Variants in DISP3 observed in about 807,000 individuals in gnomAD.
The protein encoded by DISP3 is dispatched RND transporter family member 3.
A neutral mutation model predicts 135.3 loss-of-function variants in DISP3; 101 were observed. The ratio of observed to expected loss-of-function variants is 0.75; its 90% CI spans 0.64 to 0.88. DISP3 has a LOEUF of 0.88. Among genes scored for constraint, DISP3 ranks in the 40% least tolerant of loss-of-function variants. The probability of loss-of-function intolerance (pLI) is 0.00; values close to 1 mark genes in which losing one functional copy is unlikely to be tolerated. For synonymous variants in DISP3, 856 were observed against 817.0 expected, an observed-to-expected ratio of 1.05 and a Z score of -0.81; for missense variants, 1,713 against 1,878.6, an observed-to-expected ratio of 0.91 and a Z score of 1.63.
intron 1 of DISP3, among the ~76,000 whole-genome samples, chr1:11,496,714 G>A (rs1385862519): frequency 6.6e-6 from 1 of 152,230 alleles, no homozygotes; most frequent in Non-Finnish European, 1.5e-5. Flanking sequence ...ACCCTTACCA[G>A]CCCAGCCTCA....
Position 11,497,404 on chromosome 1 carries a change from T to C in DISP3, c.-3-3586T>C, listed in dbSNP as rs990005408. On this transcript the variant is annotated intron_variant, in intron 1 of 20. Coordinates refer to ENST00000294484, the MANE Select transcript of DISP3 (RefSeq NM_020780.2). The stretch of plus-strand genomic sequence containing the variant: ...AAATCCATTGTATCATTCTTTTTTT[T>C]AGACGGAGTCTTGCTCTGTCGTCGC... Among the ~76,000 whole-genome samples the C allele has an allele frequency of 3.2e-4, 48 of 151,730 alleles. 1 individual carries two copies. Among genetic ancestry groups the C allele is most frequent in the Non-Finnish European group, 7.4e-5 (5 of 67,918 alleles).
chr1:11,489,267 C>T (rs995959661), intron 1 of DISP3, among the ~76,000 whole-genome samples: 1 of 152,236 alleles, frequency 6.6e-6, no homozygotes, highest in East Asian at 1.9e-4. Flanking sequence ...TATCCTCCAG[C>T]TTCTCTTTGG....
intron 18 of DISP3, 94 bp downstream of exon 18, chr1:11,534,634 A>G: frequency 6.9e-7 from 1 of 1,459,498 alleles, no homozygotes; most frequent in Non-Finnish European, 9.2e-7. Context: ...CACAATCTCC[A>G]TCCTGGCCAA....
chr1:11,480,327 G>C (rs1447743628), intron 1 of DISP3, among the ~76,000 whole-genome samples: 1 of 152,066 alleles, frequency 6.6e-6, no homozygotes, highest in African/African-American at 2.4e-5. Flanking sequence ...CAGTCCACGC[G>C]CACACTCACA....
In DISP3 at chr1:11,499,967, G is replaced by T. The variant is rs1353951917; in HGVS notation, c.-3-1023G>T. Among the ~76,000 whole-genome samples, 4 of 152,274 alleles carry T rather than the reference G, an allele frequency of 2.6e-5. No individual in the cohort carries two copies. Among genetic ancestry groups the T allele is most frequent in the Admixed American group, 2.6e-4 (4 of 15,292 alleles). Reference sequence around the variant, plus strand: ...GATAATGAGTCTCTCTCTGTCCAGAGGGCAGGCAGGACAAAGGGGATAGGC... The same window carrying T: ...GATAATGAGTCTCTCTCTGTCCAGATGGCAGGCAGGACAAAGGGGATAGGC... On this transcript the variant is annotated intron_variant, in intron 1 of 20. Coordinates refer to ENST00000294484, the MANE Select transcript of DISP3 (RefSeq NM_020780.2). The surrounding 1 kb of genome is among the most constrained non-coding windows in gnomAD (Gnocchi z 5.2).
intron 3 of DISP3, among the ~76,000 whole-genome samples, chr1:11,514,047 G>A (rs762504342): frequency 2.7e-4 from 41 of 152,098 alleles, no homozygotes; most frequent in Non-Finnish European, 4.9e-4. Context: ...TTAGAACTTG[G>A]CCATAGATAT....
chr1:11,531,586 T>C lies in DISP3; in HGVS notation c.3251T>C (p.Leu1084Pro). 1.2e-6 allele frequency: 2 copies of C among 1,613,582 alleles called. No individual in the cohort carries two copies. Among genetic ancestry groups the C allele is most frequent in the Non-Finnish European group, 1.7e-6 (2 of 1,179,978 alleles). Residue 1084 changes from leucine to proline, a missense_variant, in exon 17 of 21, where the codon CTG becomes CCG. This residue lies in a region of DISP3 where 1,142 missense variants were observed against 1,384.6 expected (regional missense o/e 0.82). Transcript: ENST00000294484. This position sits in a 1 kb window ranked among gnomAD's most constrained non-coding sequence, Gnocchi z 5.2. ...LPSGYSISSFLQMLHPECKEL... is the reference protein window; with the variant it reads ...LPSGYSISSFPQMLHPECKEL... ...GCAGGCTACAGCATCTCCTCCTTCC[T>C]GCAGATGTTGCACCCTGAGTGCAAG...
At chr1:11,490,255 T>TTTTTTGTTTTTG (rs201521456) in intron 1 of DISP3, among the ~76,000 whole-genome samples, 1 of 151,760 alleles carries the variant, frequency 6.6e-6, no homozygotes, top group African/African-American at 2.4e-5. Context: ...GTTGCTGGGG[T>TTTTTTGTTTTTG]TTTTTGTTTT....
Position 11,529,459 on chromosome 1 carries a change from C to T in DISP3, c.2799-97C>T. 7.2e-7 allele frequency: 1 copy of T among 1,397,794 alleles called. No individual in the cohort carries two copies. Among genetic ancestry groups the T allele is most frequent in the Non-Finnish European group, 9.7e-7 (1 of 1,030,960 alleles). The allele number at this position is 1,397,794 out of a possible 1,614,324, so 86.6% of individuals were successfully genotyped here. ...CAGAGCCCGAGTCCAGACCCCATGA[C>T]ACCCCAGCCCCAGTCCCAACCCTGG... On this transcript the variant is annotated intron_variant, in intron 13 of 20. Transcript: ENST00000294484. This position sits in a 1 kb window ranked among gnomAD's most constrained non-coding sequence, Gnocchi z 4.7.
intron 1 of DISP3, among the ~76,000 whole-genome samples, chr1:11,494,744 T>C (rs964036504): frequency 4.6e-5 from 7 of 152,232 alleles, no homozygotes; most frequent in Non-Finnish European, 8.8e-5. Flanking sequence ...AAAAGCTGAT[T>C]AGCTCCTAAT....
chr1:11,520,627 C>T lies in DISP3; in HGVS notation c.2201-60C>T. ...CAGTTGTCTCCCGGCACTTTGGAGC[C>T]CCACTGGGAACAGACCAGCTGGGCC... On this transcript the variant is annotated intron_variant, in intron 9 of 20. Transcript: ENST00000294484. The surrounding 1 kb of genome is among the most constrained non-coding windows in gnomAD (Gnocchi z 4.8). 6.4e-7 allele frequency: 1 copy of T among 1,559,118 alleles called. No homozygotes were observed. The highest frequency in any genetic ancestry group is 8.7e-7 in the Non-Finnish European group (1 of 1,145,100).
chr1:11,487,508 G>A (rs1451089564), intron 1 of DISP3, among the ~76,000 whole-genome samples: 1 of 152,220 alleles, frequency 6.6e-6, no homozygotes, highest in Non-Finnish European at 1.5e-5. Context: ...CACCTTGCCT[G>A]GGACAGCACT....
Position 11,529,642 on chromosome 1 carries a change from C to T in DISP3, c.2885C>T (p.Pro962Leu), listed in dbSNP as rs369425675. The stretch of plus-strand genomic sequence containing the variant: ...CCTGGCTGCCTGCTTAGCTCCAGCC[C>T]CGATGGGCCTACCAAAGGCTTCTTC... Reference protein sequence around the residue: ...APPGCLLSSSPDGPTKGFFFV... With the variant: ...APPGCLLSSSLDGPTKGFFFV... The change falls in exon 14 of 21, where the codon CCC becomes CTC. Residue 962 changes from proline (P) to leucine (L), a missense_variant. Physicochemically the swap from Pro to Leu is moderately conservative, Grantham distance 98. This residue lies in a region of DISP3 where 1,142 missense variants were observed against 1,384.6 expected (regional missense o/e 0.82). Transcript: ENST00000294484. The surrounding 1 kb of genome is among the most constrained non-coding windows in gnomAD (Gnocchi z 4.7). 2 of 1,609,196 alleles carry T rather than the reference C, an allele frequency of 1.2e-6. 1 individual carries two copies. The highest frequency in any genetic ancestry group is 1.7e-6 in the Non-Finnish European group (2 of 1,176,310).
intron 1 of DISP3, among the ~76,000 whole-genome samples, chr1:11,485,725 G>A (rs986562254): frequency 1.1e-4 from 16 of 152,242 alleles, no homozygotes; most frequent in African/African-American, 3.1e-4. Flanking sequence ...ACTACCTGCC[G>A]GGCCCTGGCT....
chr1:11,509,126 T>C (rs1419470935), intron 3 of DISP3, among the ~76,000 whole-genome samples: 1 of 152,220 alleles, frequency 6.6e-6, no homozygotes, highest in Admixed American at 6.5e-5. Flanking sequence ...CAAAATACTT[T>C]CTATTTTTCC....
intron 1 of DISP3, among the ~76,000 whole-genome samples, 179 bp downstream of exon 1, chr1:11,479,551 C>T (rs965491817): frequency 6.6e-6 from 1 of 152,220 alleles, no homozygotes; most frequent in Non-Finnish European, 1.5e-5. Flanking sequence ...CCGGGAAAGA[C>T]GGTCAGGGGT....
In DISP3 at chr1:11,501,037, G is replaced by C; in HGVS notation, c.45G>C (p.Glu15Asp). ...DDPLLQDVWL[E>D]EEQEEEEATG... Reference sequence around the variant, plus strand: ...CCTTGCTGCAGGATGTGTGGCTAGAGGAGGAGCAGGAGGAGGAAGAAGCAA... The same window carrying C: ...CCTTGCTGCAGGATGTGTGGCTAGACGAGGAGCAGGAGGAGGAAGAAGCAA... Residue 15 changes from glutamate to aspartate, a missense_variant, in exon 2 of 21, where the codon GAG becomes GAC. Transcript: ENST00000294484. The surrounding 1 kb of genome is among the most constrained non-coding windows in gnomAD (Gnocchi z 4.9). 5 of 1,613,954 alleles carry C rather than the reference G, an allele frequency of 3.1e-6. No homozygotes were observed. The highest frequency in any genetic ancestry group is 4.2e-6 in the Non-Finnish European group (5 of 1,180,018).
At chr1:11,530,212 T>G (rs1036696266) in intron 15 of DISP3, among the ~76,000 whole-genome samples, 4 of 152,210 alleles carry the variant, frequency 2.6e-5, no homozygotes, top group Non-Finnish European at 5.9e-5. Flanking sequence ...GGGACTGGAA[T>G]GGAGAGAGGG....
rs748159081 is a variant in DISP3 at position 11,502,767 on chromosome 1, C to T, written c.1186C>T (p.Arg396Cys). Residue 396 changes from arginine to cysteine, a missense_variant, in exon 3 of 21, where the codon CGC becomes TGC. Coordinates refer to ENST00000294484, the MANE Select transcript of DISP3 (RefSeq NM_020780.2). ...SADNLKSSLL[R>C]SEILFGAPLP... ...AGACAATCTGAAGAGCTCCCTCCTG[C>T]GCAGTGAGATCCTGTTTGGAGCACC... 28 of 1,614,158 alleles carry T rather than the reference C, an allele frequency of 1.7e-5. No individual in the cohort carries two copies. Among genetic ancestry groups the T allele is most frequent in the South Asian group, 5.5e-5 (5 of 91,084 alleles).
Sources: allele counts gnomAD v4.1 joint callset (sites outside exome capture counted in the v4.1 genomes callset), GRCh38; gene constraint gnomAD v4.1.1; regional missense constraint gnomAD v4.1.1; non-coding constraint Gnocchi (gnomAD v3.1); transcripts MANE v1.5; gene names NCBI Gene and HGNC (gene_info 2026-07-23, HGNC 2026-07-21).